Variants in FBXL7 observed in about 807,000 individuals in gnomAD.
The protein encoded by FBXL7 is F-box and leucine rich repeat protein 7.
Under a neutral mutation model 38.3 loss-of-function variants are expected in FBXL7, and 12 were observed. That is an observed-to-expected ratio of 0.31 (90% CI 0.20 to 0.51). The LOEUF (loss-of-function observed/expected upper bound fraction) is 0.51. Ranked by LOEUF, FBXL7 falls within the 20% of genes least tolerant of loss-of-function variation. FBXL7 has a pLI of 0.98. For missense variants in FBXL7, 567 were observed against 676.4 expected, an observed-to-expected ratio of 0.84 and a Z score of 1.79; for synonymous variants, 297 against 300.9, an observed-to-expected ratio of 0.99 and a Z score of 0.13.
chr5:15,640,779 C>A (rs1312446079), intron 2 of FBXL7, among the ~76,000 whole-genome samples: 2 of 152,226 alleles, frequency 1.3e-5, no homozygotes, highest in African/African-American at 4.8e-5. Context: ...CCACCTTGGC[C>A]TCCCAAAGTG....
At chr5:15,515,296 A>G (rs1255256938) in intron 1 of FBXL7, among the ~76,000 whole-genome samples, 1 of 152,196 alleles carries the variant, frequency 6.6e-6, no homozygotes, top group Non-Finnish European at 1.5e-5. Flanking sequence ...AATTCTGTGC[A>G]CTAAAGTGAC....
At chr5:15,866,026 C>G (rs1453986771) in intron 2 of FBXL7, among the ~76,000 whole-genome samples, 1 of 152,100 alleles carries the variant, frequency 6.6e-6, no homozygotes, top group Non-Finnish European at 1.5e-5. Flanking sequence ...TTAAAGATGA[C>G]AACAATGGGA....
At chr5:15,790,616 T>C (rs971737696) in intron 2 of FBXL7, among the ~76,000 whole-genome samples, 2 of 152,210 alleles carry the variant, frequency 1.3e-5, no homozygotes, top group Admixed American at 1.3e-4. Flanking sequence ...CTTCCTGTTA[T>C]GAAGATTCCT....
At chr5:15,698,695 G>A (rs1209200281) in intron 2 of FBXL7, among the ~76,000 whole-genome samples, 1 of 152,160 alleles carries the variant, frequency 6.6e-6, no homozygotes, top group Non-Finnish European at 1.5e-5. Flanking sequence ...GTATTCTACA[G>A]TGATTTACAA....
At chr5:15,587,532 C>G (rs1329723841) in intron 1 of FBXL7, among the ~76,000 whole-genome samples, 1 of 152,120 alleles carries the variant, frequency 6.6e-6, no homozygotes, top group Non-Finnish European at 1.5e-5. Flanking sequence ...GTTTCCTTTG[C>G]TCATTATTGC....
At chr5:15,694,702 G>A (rs1743279899) in intron 2 of FBXL7, among the ~76,000 whole-genome samples, 1 of 152,040 alleles carries the variant, frequency 6.6e-6, no homozygotes, top group Non-Finnish European at 1.5e-5. Context: ...TGCCATGGTA[G>A]GAAATGAAAT....
In FBXL7 at chr5:15,731,547, A is replaced by G. The variant is rs1057170251; in HGVS notation, c.127+115475A>G. Among the ~76,000 whole-genome samples the G allele has an allele frequency of 2.0e-5, 3 of 152,254 alleles. 1 individual carries two copies. Among genetic ancestry groups the G allele is most frequent in the South Asian group, 4.1e-4 (2 of 4,822 alleles). On this transcript the variant is annotated intron_variant, in intron 2 of 3. Transcript: ENST00000504595. ...TTGTGTGGGGACACAGAGCCAAACC[A>G]TATCAAGGGGAAGAAAAGAAAAAGG...
intron 1 of FBXL7, among the ~76,000 whole-genome samples, chr5:15,599,092 A>G (rs1367957094): frequency 6.6e-6 from 1 of 151,974 alleles, no homozygotes; most frequent in Non-Finnish European, 1.5e-5. Context: ...GATCACTTTT[A>G]CTCCTGTTAA....
chr5:15,808,254 G>A (rs578067468), intron 2 of FBXL7, among the ~76,000 whole-genome samples: 17 of 151,838 alleles, frequency 1.1e-4, no homozygotes, highest in Non-Finnish European at 1.9e-4. Context: ...TCTCAGTGTC[G>A]TATCAAATTC....
intron 2 of FBXL7, among the ~76,000 whole-genome samples, chr5:15,744,146 C>T (rs1408778971): frequency 6.6e-6 from 1 of 152,234 alleles, no homozygotes; most frequent in Non-Finnish European, 1.5e-5. Flanking sequence ...CTCCTTGTTA[C>T]TCATGCAAAT....
intron 2 of FBXL7, among the ~76,000 whole-genome samples, chr5:15,841,326 A>C (rs1422338497): frequency 6.6e-6 from 1 of 152,198 alleles, no homozygotes; most frequent in Admixed American, 6.5e-5. Context: ...AGCAGTTGGG[A>C]ATAAATCTCA....
At chr5:15,892,480 C>T (rs886180472) in intron 2 of FBXL7, among the ~76,000 whole-genome samples, 8 of 152,064 alleles carry the variant, frequency 5.3e-5, no homozygotes, top group African/African-American at 9.7e-5. Context: ...GAAGTCACAG[C>T]GGAAGGTCAG....
chr5:15,668,806 G>A (rs1248342356), intron 2 of FBXL7, among the ~76,000 whole-genome samples: 3 of 152,152 alleles, frequency 2.0e-5, no homozygotes, highest in South Asian at 2.1e-4. Flanking sequence ...AAAGACCTAG[G>A]TCAGGAGGTA....
At chr5:15,606,708 A>G (rs1346360587) in intron 1 of FBXL7, 2 of 152,220 alleles carry the variant, frequency 1.3e-5, no homozygotes, top group Non-Finnish European at 2.9e-5. Flanking sequence ...CTCCTTCCCC[A>G]GCCCCTGCTT....
chr5:15,836,123 A>G (rs555487683), intron 2 of FBXL7, among the ~76,000 whole-genome samples: 4 of 152,288 alleles, frequency 2.6e-5, no homozygotes, highest in African/African-American at 9.6e-5. Context: ...CAAAATTCAG[A>G]TGGTCTCTGC....
At chr5:15,712,719 AAAGG>A (rs1743915704) in intron 2 of FBXL7, among the ~76,000 whole-genome samples, 2 of 152,148 alleles carry the variant, frequency 1.3e-5, no homozygotes, top group East Asian at 1.9e-4. Flanking sequence ...AGAAAGGAAA[AAAGG>A]AAGGAAGGAG....
intron 2 of FBXL7, among the ~76,000 whole-genome samples, chr5:15,811,492 C>T (rs920758577): frequency 2.0e-5 from 3 of 152,116 alleles, no homozygotes; most frequent in African/African-American, 7.2e-5. Flanking sequence ...CCCATCCTAA[C>T]ACCTCACTTT....
At chr5:15,536,838 A>G (rs997525738) in intron 1 of FBXL7, among the ~76,000 whole-genome samples, 1 of 151,848 alleles carries the variant, frequency 6.6e-6, no homozygotes, top group Non-Finnish European at 1.5e-5. Context: ...GGGAGGGGCC[A>G]AGGGCAGAGT....
chr5:15,806,489 G>A (rs1238269951), intron 2 of FBXL7, among the ~76,000 whole-genome samples: 1 of 152,146 alleles, frequency 6.6e-6, no homozygotes, highest in Non-Finnish European at 1.5e-5. Flanking sequence ...CAAAATTAAG[G>A]AGTCAGAAGT....
Sources: allele counts gnomAD v4.1 joint callset (sites outside exome capture counted in the v4.1 genomes callset), GRCh38; gene constraint gnomAD v4.1.1; transcripts MANE v1.5; gene names NCBI Gene and HGNC (gene_info 2026-07-23, HGNC 2026-07-21).